AK4: variants seen among roughly 807,000 people sequenced by gnomAD.
AK4 encodes adenylate kinase 4, mitochondrial.
Under a neutral mutation model 24.6 loss-of-function variants are expected in AK4, and 13 were observed. That is an observed-to-expected ratio of 0.53 (90% CI 0.34 to 0.84). AK4 has a LOEUF of 0.84. Among genes scored for constraint, AK4 ranks in the 40% least tolerant of loss-of-function variants. AK4 has a pLI of 0.01. For missense variants in AK4, 192 were observed against 288.2 expected (o/e 0.67, Z 2.42); for synonymous variants, 88 against 107.0 (o/e 0.82, Z 1.10).
chr1:65,170,316 C>T (rs991518579), intron 1 of AK4, among the ~76,000 whole-genome samples: 3 of 152,052 alleles, frequency 2.0e-5, no homozygotes, highest in Non-Finnish European at 2.9e-5. Context: ...TGCAGTGAGC[C>T]GAGATCGCGC....
intron 3 of AK4, among the ~76,000 whole-genome samples, chr1:65,221,784 A>G (rs1440288010): frequency 2.0e-5 from 3 of 152,320 alleles, no homozygotes; most frequent in African/African-American, 7.2e-5. Context: ...TTGCTTTTCA[A>G]AGCCTGGGTT....
In AK4 at chr1:65,224,752, G is replaced by T. The variant is rs760952693; in HGVS notation, c.439G>T (p.Gly147Cys). 6.2e-7 allele frequency: 1 copy of T among 1,610,170 alleles called. No individual in the cohort carries two copies. The change falls in exon 4 of 5, where the codon GGT becomes TGT. Residue 147 changes from glycine to cysteine, a missense_variant and splice_region_variant. By Grantham distance (159) the Gly-to-Cys change is radical. Transcript: ENST00000327299. ...TAATTGGTTTATTTGGTATTTGTAGGGTATTGATGACGTCACTGGTGAACC... is the reference window on the plus strand; with the variant it reads ...TAATTGGTTTATTTGGTATTTGTAGTGTATTGATGACGTCACTGGTGAACC... ...NLDFNPPHVH[G>C]IDDVTGEPLV... is the part of the protein sequence containing the mutation.
At chr1:65,173,354 T>C (rs1650602705) in intron 1 of AK4, among the ~76,000 whole-genome samples, 1 of 152,152 alleles carries the variant, frequency 6.6e-6, no homozygotes, top group African/African-American at 2.4e-5. Flanking sequence ...GCTGTCCCTG[T>C]CCTCCAGCTT....
At chr1:65,216,787 T>C (rs1344791926) in intron 2 of AK4, among the ~76,000 whole-genome samples, 1 of 143,600 alleles carries the variant, frequency 7.0e-6, no homozygotes, top group Non-Finnish European at 1.5e-5. Flanking sequence ...CTTGAACTCC[T>C]TGGGCTCAAG....
At chr1:65,153,517 C>T (rs549611897) in intron 1 of AK4, among the ~76,000 whole-genome samples, 11 of 152,132 alleles carry the variant, frequency 7.2e-5, no homozygotes, top group East Asian at 1.9e-4. Flanking sequence ...GCAGTCTGCC[C>T]GCCTCGGCCT....
intron 3 of AK4, among the ~76,000 whole-genome samples, chr1:65,221,966 G>C (rs1271007163): frequency 6.6e-6 from 1 of 152,184 alleles, no homozygotes; most frequent in African/African-American, 2.4e-5. Context: ...AAGGAGTTTA[G>C]GAGCGGAGGT....
intron 1 of AK4, among the ~76,000 whole-genome samples, chr1:65,179,496 C>T (rs557612733): frequency 6.6e-6 from 1 of 152,276 alleles, no homozygotes; most frequent in African/African-American, 2.4e-5. Flanking sequence ...ATATTATACC[C>T]TAGACTTCAT....
intron 2 of AK4, among the ~76,000 whole-genome samples, chr1:65,199,950 T>C (rs1651612169): frequency 1.3e-5 from 2 of 152,296 alleles, no homozygotes; most frequent in East Asian, 1.9e-4. Context: ...CTTTCTAACA[T>C]GATAAGTATT....
intron 1 of AK4, among the ~76,000 whole-genome samples, chr1:65,178,438 A>G (rs1309811748): frequency 6.6e-6 from 1 of 152,152 alleles, no homozygotes; most frequent in Non-Finnish European, 1.5e-5. Flanking sequence ...AAATGTGTGC[A>G]TAGCCACAAT....
At chr1:65,154,171 CT>C (rs1235024807) in intron 1 of AK4, among the ~76,000 whole-genome samples, 4 of 152,064 alleles carry the variant, frequency 2.6e-5, no homozygotes, top group African/African-American at 7.2e-5. Context: ...GTGGTTTGAA[CT>C]TGTTGGTGGC....
rs1313167669 is a variant in AK4, at chr1:65,148,500, C to T, written c.93C>T (p.Leu31=). 1 of 1,591,204 alleles carries T rather than the reference C, an allele frequency of 6.3e-7. No individual in the cohort carries two copies. Among genetic ancestry groups the T allele is most frequent in the Non-Finnish European group, 8.6e-7 (1 of 1,169,278 alleles). The change falls in exon 1 of 5, where the codon CTC becomes CTT. Residue 31 remains leucine, a synonymous_variant. Coordinates refer to ENST00000327299, the MANE Select transcript of AK4 (RefSeq NM_013410.4). The part of the protein sequence containing the change: ...VCQRIAQNFG[L]QHLSSGHFLR... ...AGAGGATCGCCCAGAACTTTGGTCT[C>T]CAGCATCTCTCCAGCGGCCACTTCT...
At chr1:65,150,199 GA>G (rs1416984701) in intron 1 of AK4, among the ~76,000 whole-genome samples, 3 of 152,052 alleles carry the variant, frequency 2.0e-5, no homozygotes, top group African/African-American at 7.2e-5. Flanking sequence ...AGTGTGATGG[GA>G]AGTAGCTTAT....
intron 1 of AK4, among the ~76,000 whole-genome samples, chr1:65,163,069 A>G (rs961373766): frequency 2.6e-5 from 4 of 152,156 alleles, no homozygotes; most frequent in Admixed American, 2.0e-4. Context: ...GCTATGGGAC[A>G]TTTGTATGTA....
intron 2 of AK4, 69 bp downstream of exon 2, chr1:65,190,898 C>T: frequency 6.6e-7 from 1 of 1,504,022 alleles, no homozygotes. Flanking sequence ...ACTCCCTTAA[C>T]TTCTTACCGA....
intron 1 of AK4, among the ~76,000 whole-genome samples, chr1:65,174,176 A>C (rs1650633799): frequency 6.6e-6 from 1 of 152,088 alleles, no homozygotes; most frequent in East Asian, 1.9e-4. Context: ...TCAACCCCCC[A>C]AATAAACCCT....
intron 2 of AK4, among the ~76,000 whole-genome samples, chr1:65,209,671 C>A (rs532338070): frequency 6.6e-6 from 1 of 152,182 alleles, no homozygotes; most frequent in Non-Finnish European, 1.5e-5. Flanking sequence ...CAACTTGAGA[C>A]ACAGATGTAG....
In AK4 at chr1:65,231,536, C is replaced by G. The variant is rs1652647434; in HGVS notation, c.*5359C>G. 6.6e-6 allele frequency: 1 copy of G among 152,098 alleles called. No homozygotes were observed. The highest frequency in any genetic ancestry group is 2.4e-5 in the African/African-American group (1 of 41,424). 9.4% of individuals were successfully genotyped at this position (152,098 alleles called of 1,614,324 possible). On this transcript the variant is annotated 3_prime_UTR_variant, in exon 5 of 5. Transcript: ENST00000327299. ...GGAGCAGACCACCTTGAAGATTCCCCCTAGGGTTGATATGTGTCTAATTCA... is the reference window on the plus strand; with the variant it reads ...GGAGCAGACCACCTTGAAGATTCCCGCTAGGGTTGATATGTGTCTAATTCA...
Position 65,227,030 on chromosome 1 carries a change from C to T in AK4, c.*853C>T, listed in dbSNP as rs1227334611. On this transcript the variant is annotated 3_prime_UTR_variant, in exon 5 of 5. Coordinates refer to ENST00000327299, the MANE Select transcript of AK4 (RefSeq NM_013410.4). Reference sequence around the variant, plus strand: ...CTTTTATTGTGAAAAAAAAAAAAAACCCTGAAAGTCTTGGGAACCCCCTAA... The same window carrying T: ...CTTTTATTGTGAAAAAAAAAAAAAATCCTGAAAGTCTTGGGAACCCCCTAA... 8.9e-6 allele frequency: 1 copy of T among 112,568 alleles called. No individual in the cohort carries two copies. Among genetic ancestry groups the T allele is most frequent in the South Asian group, 3.0e-4 (1 of 3,328 alleles). 7.0% of individuals were successfully genotyped at this position (112,568 alleles called of 1,614,324 possible). A position where few individuals can be genotyped will look rare whatever the true frequency, so the allele number is the denominator to read the frequency against.
At chr1:65,190,599 G>A (rs2101041016) in intron 1 of AK4, 111 bp from the exon 2 acceptor site, 1 of 1,255,892 alleles carries the variant, frequency 8.0e-7, no homozygotes, top group Non-Finnish European at 1.1e-6. Context: ...AACTTCCTAG[G>A]AATTTCTTCC....
Sources: allele counts gnomAD v4.1 joint callset (sites outside exome capture counted in the v4.1 genomes callset), GRCh38; gene constraint gnomAD v4.1.1; transcripts MANE v1.5; gene names NCBI Gene and HGNC (gene_info 2026-07-23, HGNC 2026-07-21).